NOX4: variants seen among roughly 807,000 people sequenced by gnomAD.
NOX4 encodes NADPH oxidase 4.
NOX4 carries 69 observed loss-of-function variants against 87.6 expected under a neutral mutation model. The ratio of observed to expected loss-of-function variants is 0.79; its 90% CI spans 0.65 to 0.96. The LOEUF is 0.96. NOX4 is among the 40% of genes least tolerant of loss of function. NOX4 has a pLI of 0.00. For missense variants in NOX4, 680 were observed against 681.5 expected, an observed-to-expected ratio of 1.00 and a Z score of 0.02; for synonymous variants, 275 against 238.2, an observed-to-expected ratio of 1.15 and a Z score of -1.42.
At chr11:89,474,767 A>C (rs2135453305) in intron 2 of NOX4, among the ~76,000 whole-genome samples, 1 of 152,132 alleles carries the variant, frequency 6.6e-6, no homozygotes, top group East Asian at 1.9e-4. Flanking sequence ...ATCAGTGTTT[A>C]ATATACAGAA....
intron 2 of NOX4, among the ~76,000 whole-genome samples, chr11:89,481,006 C>G (rs1591359182): frequency 6.6e-6 from 1 of 152,016 alleles, no homozygotes; most frequent in African/African-American, 2.4e-5. Context: ...AATAGCCTTC[C>G]TCTCTCCAGA....
At chr11:89,435,635 C>T (rs112406036) in intron 6 of NOX4, among the ~76,000 whole-genome samples, 2,042 of 152,034 alleles carry the variant, frequency 0.013, 22 homozygotes, top group Non-Finnish European at 0.02. Flanking sequence ...TAGGTCAGAA[C>T]ATGAAAACAT....
At chr11:89,390,753 C>T (rs1941065507) in intron 11 of NOX4, among the ~76,000 whole-genome samples, 1 of 152,084 alleles carries the variant, frequency 6.6e-6, no homozygotes, top group African/African-American at 2.4e-5. Context: ...CAGATATAAT[C>T]CACAAATTGC....
At chr11:89,338,258 T>A (rs1945812939) in intron 15 of NOX4, among the ~76,000 whole-genome samples, 1 of 152,144 alleles carries the variant, frequency 6.6e-6, no homozygotes, top group Non-Finnish European at 1.5e-5. Context: ...ATTTTTGCTT[T>A]CGTGTCTGGC....
upstream of NOX4, among the ~76,000 whole-genome samples, chr11:89,496,935 TAACTAACTTG>T (rs1215263848): frequency 6.6e-6 from 1 of 152,234 alleles, no homozygotes; most frequent in Admixed American, 6.5e-5. Context: ...ATATGCACAG[TAACTAACTTG>T]AACTACCTTG....
chr11:89,440,256 T>C (rs1275038400), intron 6 of NOX4, among the ~76,000 whole-genome samples: 2 of 152,196 alleles, frequency 1.3e-5, no homozygotes, highest in Non-Finnish European at 2.9e-5. Flanking sequence ...TGTCCATATG[T>C]TATATTTGTA....
intron 12 of NOX4, among the ~76,000 whole-genome samples, chr11:89,366,044 C>A (rs1382587577): frequency 2.0e-5 from 3 of 152,144 alleles, no homozygotes; most frequent in African/African-American, 4.8e-5. Flanking sequence ...TGGCACAAAA[C>A]CCTTGTCCTT....
chr11:89,373,346 T>C, intron 12 of NOX4, 86 bp downstream of exon 12: 1 of 683,836 alleles, frequency 1.5e-6, no homozygotes, highest in South Asian at 1.7e-5. Flanking sequence ...TCTCTATACA[T>C]GCTGGTAGTT....
In NOX4 at chr11:89,490,465, A is replaced by G; in HGVS notation, c.146T>C (p.Met49Thr). 1 of 1,610,540 alleles carries G rather than the reference A, an allele frequency of 6.2e-7. No homozygotes were observed. Among genetic ancestry groups the G allele is most frequent in the South Asian group, 1.1e-5 (1 of 90,996 alleles). The change falls in exon 2 of 18, where the codon ATG becomes ACG. Residue 49 changes from methionine to threonine, a missense_variant. Met to Thr is a moderately conservative substitution (Grantham distance 81). Coordinates refer to ENST00000263317, the MANE Select transcript of NOX4 (RefSeq NM_016931.5). ...QGPEYHYLHQ[M>T]LGLGLCLSRA... ...CAAGTTCACCTTACTTACCCCCAAC[A>G]TCTGGTGGAGGTAGTGATACTCTGG...
At chr11:89,518,817 G>A in the NOX4 span, among the ~76,000 whole-genome samples, 2 of 151,944 alleles carry the variant, frequency 1.3e-5, no homozygotes, top group Non-Finnish European at 2.9e-5. Context: ...CTCTAAGGAC[G>A]ACACCTAAAA....
Position 89,342,143 on chromosome 11 carries a change from T to C in NOX4, c.1268A>G (p.Tyr423Cys), listed in dbSNP as rs145677141. 1.0e-4 allele frequency: 167 copies of C among 1,612,842 alleles called. No individual in the cohort carries two copies. In the Middle Eastern group the frequency reaches 9.2e-3, roughly 89 times the overall value. ...FGSPFEESLNYEVSLCVAGGI... is the reference protein window; with the variant it reads ...FGSPFEESLNCEVSLCVAGGI... ...TCCAGCCACGCAGAGGCTGACCTCA[T>C]AGTTCAGTGATTCCTCAAATGGACT... The change falls in exon 14 of 18, where the codon TAT becomes TGT. Residue 423 changes from tyrosine (Y) to cysteine (C), a missense_variant. Coordinates refer to ENST00000263317, the MANE Select transcript of NOX4 (RefSeq NM_016931.5).
intron 12 of NOX4, among the ~76,000 whole-genome samples, chr11:89,358,270 C>G (rs1938229032): frequency 6.6e-6 from 1 of 151,090 alleles, no homozygotes; most frequent in Admixed American, 6.6e-5. Context: ...CCTGTAATCC[C>G]AGCTACTCAG....
the NOX4 span, chr11:89,534,178 C>T: frequency 7.2e-5 from 11 of 152,190 alleles, no homozygotes; most frequent in African/African-American, 2.7e-4. Flanking sequence ...TGAAGAATGG[C>T]TTTTGTTGTG....
In NOX4 at chr11:89,406,360, T is replaced by C. The variant is rs139583868; in HGVS notation, c.630-3818A>G. 3.9e-5 allele frequency among the ~76,000 whole-genome samples: 6 copies of C among 152,210 alleles called. No homozygotes were observed. The East Asian group carries it at 1.2e-3, about 29-fold the overall frequency. On this transcript the variant is annotated intron_variant, in intron 8 of 17. Coordinates refer to ENST00000263317, the MANE Select transcript of NOX4 (RefSeq NM_016931.5). ...ATGGTGTTTTAAATTCCTGGTACCT[T>C]TATTTATTTTAGATGCATGCCTTTC... is the stretch of plus-strand genomic sequence containing the variant.
At chr11:89,562,991 C>T in the NOX4 span, among the ~76,000 whole-genome samples, 7 of 152,112 alleles carry the variant, frequency 4.6e-5, no homozygotes, top group Admixed American at 6.6e-5. Flanking sequence ...ACTTCCCCTC[C>T]GCTCACGCTC....
At chr11:89,454,217 C>A (rs1945089399) in intron 2 of NOX4, among the ~76,000 whole-genome samples, 1 of 151,854 alleles carries the variant, frequency 6.6e-6, no homozygotes, top group Admixed American at 6.6e-5. Flanking sequence ...AATGTTAAAC[C>A]CCTCAAGACC....
At chr11:89,438,900 T>C (rs527808087) in intron 6 of NOX4, among the ~76,000 whole-genome samples, 1 of 59,748 alleles carries the variant, frequency 1.7e-5, no homozygotes, top group Non-Finnish European at 2.9e-5. Flanking sequence ...ATATATTATA[T>C]ATATAATATA....
At chr11:89,441,038 C>G in intron 5 of NOX4, among the ~76,000 whole-genome samples, 1 of 152,132 alleles carries the variant, frequency 6.6e-6, no homozygotes, top group Non-Finnish European at 1.5e-5. Context: ...TTTTGAAACT[C>G]AATATCTTAG....
In NOX4 at chr11:89,413,893, A is replaced by G. The variant is rs188773340; in HGVS notation, c.629+8009T>C. Among the ~76,000 whole-genome samples the G allele has an allele frequency of 3.9e-5, 6 of 152,242 alleles. No homozygotes were observed. In the East Asian group the frequency reaches 1.2e-3, roughly 29 times the overall value. Reference sequence around the variant, plus strand: ...AAAATATCTCATGTATCCCATAAACATATATGCCTACTATGTATTCATAAA... The same window carrying G: ...AAAATATCTCATGTATCCCATAAACGTATATGCCTACTATGTATTCATAAA... On this transcript the variant is annotated intron_variant, in intron 8 of 17. Transcript: ENST00000263317.
Sources: gnomAD v4.1 joint callset for allele counts (sites outside exome capture counted in the v4.1 genomes callset) on GRCh38, gnomAD v4.1.1 for gene constraint, MANE v1.5 for transcripts, NCBI Gene and HGNC (gene_info 2026-07-23, HGNC 2026-07-21) for gene names.